SDSL: variants seen among roughly 807,000 people sequenced by gnomAD.
SDSL encodes the protein serine dehydratase-like.
SDSL carries 26 observed loss-of-function variants against 27.6 expected under a neutral mutation model. The observed-to-expected ratio is 0.94, with a 90% CI of 0.69 to 1.31. The LOEUF is 1.31. Among genes scored for constraint, SDSL ranks in the 50% most tolerant of loss-of-function variants. The pLI, the probability that SDSL is intolerant of heterozygous loss-of-function variation, is 0.00. For missense variants in SDSL, 431 were observed against 423.5 expected, an observed-to-expected ratio of 1.02 and a Z score of -0.16; for synonymous variants, 196 against 180.6, an observed-to-expected ratio of 1.09 and a Z score of -0.69.
rs774427340 is a variant in SDSL, at chr12:113,428,028, G to A, written c.46G>A (p.Val16Met). The change falls in exon 2 of 8, where the codon GTG becomes ATG. Residue 16 changes from valine (V) to methionine (M), a missense_variant. By Grantham distance (21) the Val-to-Met change is conservative (BLOSUM62 1). Coordinates refer to ENST00000403593, the MANE Select transcript of SDSL (RefSeq NM_001304993.2). ...AEHAKQEPFH[V>M]VTPLLESWAL... ...GCATGCCAAGCAGGAGCCCTTTCAC[G>A]TGGTCACACCTCTGTTGGAGAGCTG... 20 of 1,613,678 alleles carry A rather than the reference G, an allele frequency of 1.2e-5. No individual in the cohort carries two copies. The highest frequency in any genetic ancestry group is 5.0e-5 in the Admixed American group (3 of 59,942).
At chr12:113,431,831 C>T (rs1159009874) in intron 4 of SDSL, among the ~76,000 whole-genome samples, 3 of 151,752 alleles carry the variant, frequency 2.0e-5, no homozygotes, top group Admixed American at 6.6e-5. Flanking sequence ...GTCTGCCTCC[C>T]GGGTTCACAC....
At chr12:113,434,257 G>A (rs1297763198) in intron 5 of SDSL, 35 bp downstream of exon 5, 10 of 1,500,410 alleles carry the variant, frequency 6.7e-6, no homozygotes, top group African/African-American at 5.5e-5. Flanking sequence ...GGAGTCCAGA[G>A]CTGGGAGACC....
chr12:113,429,355 C>A, intron 4 of SDSL, 56 bp downstream of exon 4: 1 of 1,544,752 alleles, frequency 6.5e-7, no homozygotes, highest in Non-Finnish European at 8.9e-7. Flanking sequence ...CTTCACCTCA[C>A]CCCACCCCTA....
Position 113,436,742 on chromosome 12 carries a change from ATCCT to A in SDSL, c.672-8_672-5del. 6.2e-7 allele frequency: 1 copy of A among 1,601,586 alleles called. No homozygotes were observed. On this transcript the variant is annotated splice_polypyrimidine_tract_variant and splice_region_variant and intron_variant, in intron 6 of 7. Transcript: ENST00000403593. Reference sequence around the variant, plus strand: ...TGGTCTCCCTGCCCCACCCTGCTCTATCCTGCAGTGTGGCCAAGAGCCTGGGTGC... The same window carrying A: ...TGGTCTCCCTGCCCCACCCTGCTCTAGCAGTGTGGCCAAGAGCCTGGGTGC...
chr12:113,429,461 T>G (rs935162301), intron 4 of SDSL, among the ~76,000 whole-genome samples, 162 bp downstream of exon 4: 1 of 151,992 alleles, frequency 6.6e-6, no homozygotes, highest in African/African-American at 2.4e-5. Flanking sequence ...GTGGGATGGG[T>G]GTTGAGGGCT....
intron 4 of SDSL, among the ~76,000 whole-genome samples, 182 bp from the exon 5 acceptor site, chr12:113,433,952 C>T (rs551285299): frequency 1.3e-4 from 20 of 152,280 alleles, no homozygotes; most frequent in East Asian, 1.9e-4. Context: ...TCTGTTTGTC[C>T]GCCTGGAAGT....
At chr12:113,434,613 T>C (rs1277334226) in intron 5 of SDSL, among the ~76,000 whole-genome samples, 1 of 152,194 alleles carries the variant, frequency 6.6e-6, no homozygotes. Context: ...GTCAAACAAC[T>C]TGCCCCGGAT....
At chr12:113,423,042 C>T (rs1185519997) in intron 1 of SDSL, among the ~76,000 whole-genome samples, 1 of 152,140 alleles carries the variant, frequency 6.6e-6, no homozygotes, top group Non-Finnish European at 1.5e-5. Context: ...AGGTGTGTGT[C>T]CCTGGGCCAA....
intron 4 of SDSL, 34 bp from the exon 5 acceptor site, chr12:113,434,100 C>T (rs1957962568): frequency 2.5e-6 from 4 of 1,587,080 alleles, no homozygotes; most frequent in Non-Finnish European, 3.5e-6. Flanking sequence ...AGTCCCACTC[C>T]CGGCTGTTCT....
intron 4 of SDSL, among the ~76,000 whole-genome samples, chr12:113,430,642 G>T (rs1957910790): frequency 6.6e-6 from 1 of 152,210 alleles, no homozygotes; most frequent in African/African-American, 2.4e-5. Context: ...TACACTGTCA[G>T]TTCTGCCATA....
rs575275218 is a variant in SDSL at position 113,424,960 on chromosome 12, T to G, written c.-22+2483T>G. On this transcript the variant is annotated intron_variant, in intron 1 of 7. Transcript: ENST00000403593. ...CATGTTGGCCACGCTGGTCTTGAAC[T>G]CCTGACCTCAAGGGATCCACCCGCC... 3.4e-3 allele frequency among the ~76,000 whole-genome samples: 523 copies of G among 152,270 alleles called. 3 individuals are homozygous for G. Among genetic ancestry groups the G allele is most frequent in the Non-Finnish European group, 6.0e-3 (408 of 68,018 alleles).
chr12:113,433,806 A>G (rs1389725878), intron 4 of SDSL, among the ~76,000 whole-genome samples: 1 of 152,172 alleles, frequency 6.6e-6, no homozygotes, highest in Non-Finnish European at 1.5e-5. Context: ...CTTCTCCCCT[A>G]CTGGTTGGCT....
intron 1 of SDSL, among the ~76,000 whole-genome samples, chr12:113,424,977 C>T (rs1371176029): frequency 6.6e-6 from 1 of 152,146 alleles, no homozygotes; most frequent in Admixed American, 6.5e-5. Context: ...CTCAAGGGAT[C>T]CACCCGCCTC....
In SDSL at chr12:113,437,962, C is replaced by T; in HGVS notation, c.873C>T (p.Leu291=). The part of the protein sequence containing the change: ...AAIYSGLLRR[L]QAEGCLPPSL... ...TCTACTCAGGCCTCCTGCGGAGGCT[C>T]CAGGCCGAGGGCTGCCTGCCCCCTT... Residue 291 remains leucine, a synonymous_variant, in exon 8 of 8, where the codon CTC becomes CTT. Transcript: ENST00000403593. The T allele has an allele frequency of 6.2e-7, 1 of 1,614,098 alleles. No homozygotes were observed. The highest frequency in any genetic ancestry group is 1.1e-5 in the South Asian group (1 of 91,082).
At position 113,429,162 on chromosome 12, in the gene SDSL, G is replaced by A. The variant is rs1391527141; in HGVS notation, c.217G>A (p.Gly73Ser). Residue 73 changes from glycine (G) to serine (S), a missense_variant and splice_region_variant, in exon 4 of 8, where the codon GGT becomes AGT. By Grantham distance (56) the Gly-to-Ser change is moderately conservative. Transcript: ENST00000403593. ...GCRHLVCSSG[G>S]NAGIAAAYAA... ...CCCCTTTCCTCCTTTCTGCACAGGG[G>A]GTAATGCGGGCATCGCTGCTGCCTA... 13 of 1,612,806 alleles carry A rather than the reference G, an allele frequency of 8.1e-6. No homozygotes were observed. The highest frequency in any genetic ancestry group is 3.3e-5 in the South Asian group (3 of 90,978).
At chr12:113,428,399 C>T in intron 2 of SDSL, 21 bp from the exon 3 acceptor site, 1 of 1,609,398 alleles carries the variant, frequency 6.2e-7, no homozygotes, top group Non-Finnish European at 8.5e-7. Context: ...TAGCCGCTAA[C>T]CCCATTCCTT....
intron 4 of SDSL, among the ~76,000 whole-genome samples, chr12:113,429,954 C>A (rs1245408329): frequency 6.7e-6 from 1 of 150,134 alleles, no homozygotes; most frequent in East Asian, 2.0e-4. Context: ...TTCATTATTT[C>A]CCTCCTTCCC....
intron 4 of SDSL, among the ~76,000 whole-genome samples, chr12:113,432,240 CTTTCTTTCTTTCTTTCTTTCTTTCTT>C (rs1349963784): frequency 1.7e-4 from 23 of 132,070 alleles, no homozygotes; most frequent in African/African-American, 6.9e-4. Flanking sequence ...TTCTTTCTTT[CTTTCTTTCTTTCTTTCTTTCTTTCTT>C]TCTTTCTTTC....
chr12:113,435,120 AT>A (rs1234407228), intron 5 of SDSL, among the ~76,000 whole-genome samples: 1 of 152,218 alleles, frequency 6.6e-6, no homozygotes, highest in Non-Finnish European at 1.5e-5. Flanking sequence ...ATCCAAAAAA[AT>A]AAAAATAAAG....
Sources: gnomAD v4.1 joint callset for allele counts (sites outside exome capture counted in the v4.1 genomes callset) on GRCh38, gnomAD v4.1.1 for gene constraint, MANE v1.5 for transcripts, NCBI Gene and HGNC (gene_info 2026-07-23, HGNC 2026-07-21) for gene names.